The following ZC3H6 variants were observed in gnomAD, a reference collection of about 807,000 sequenced individuals.
ZC3H6 encodes the protein zinc finger CCCH domain-containing protein 6.
ZC3H6 carries 40 observed loss-of-function variants against 107.7 expected under a neutral mutation model. The observed-to-expected ratio is 0.37, with a 90% CI of 0.29 to 0.48. ZC3H6 has a LOEUF of 0.48. Among genes scored for constraint, ZC3H6 ranks in the 20% least tolerant of loss-of-function variants. ZC3H6 has a pLI of 0.98. For missense variants in ZC3H6, 1,267 were observed against 1,410.4 expected (o/e 0.90, Z 1.63); for synonymous variants, 493 against 487.9 (o/e 1.01, Z -0.14).
intron 3 of ZC3H6, among the ~76,000 whole-genome samples, chr2:112,308,629 ACCATGTTGG>A (rs1276777968): frequency 4.7e-5 from 7 of 150,088 alleles, no homozygotes; most frequent in Admixed American, 6.6e-5. Context: ...ACGGTGTTTC[ACCATGTTGG>A]CCAGGCTCTT....
intron 1 of ZC3H6, among the ~76,000 whole-genome samples, chr2:112,291,289 A>G (rs1434760478): frequency 6.6e-6 from 1 of 152,142 alleles, no homozygotes; most frequent in African/African-American, 2.4e-5. Flanking sequence ...GCTGGAGTGC[A>G]GTGGCACGAT....
intron 7 of ZC3H6, among the ~76,000 whole-genome samples, chr2:112,318,857 C>T (rs1676749153): frequency 6.6e-6 from 1 of 152,094 alleles, no homozygotes; most frequent in Non-Finnish European, 1.5e-5. Flanking sequence ...GCTGACAACA[C>T]CTGAAAGGAC....
intron 1 of ZC3H6, among the ~76,000 whole-genome samples, chr2:112,289,313 TTTCTTTTTC>T (rs1437947531): frequency 7.9e-5 from 11 of 139,772 alleles, no homozygotes; most frequent in African/African-American, 2.4e-4. Context: ...ACACTTTTTT[TTTCTTTTTC>T]TTTTTTTTTT....
chr2:112,329,519 T>C (rs77034119), intron 11 of ZC3H6, among the ~76,000 whole-genome samples: 2 of 152,204 alleles, frequency 1.3e-5, no homozygotes, highest in African/African-American at 4.8e-5. Flanking sequence ...TTTTCAGATA[T>C]TGAGATCTGA....
rs751491106 is a variant in ZC3H6, at chr2:112,299,845, A to G, written c.33-4A>G. 3 of 1,414,404 alleles carry G rather than the reference A, an allele frequency of 2.1e-6. No homozygotes were observed. Among genetic ancestry groups the G allele is most frequent in the South Asian group, 1.7e-5 (1 of 59,952 alleles). The allele number at this position is 1,414,404 out of a possible 1,614,324, so 87.6% of individuals were successfully genotyped here. ...ATTTGAAAATTAAAATTTTCCTTCTATAGAGAAGATGGCGAATTAGAAGAT... is the reference window on the plus strand; with the variant it reads ...ATTTGAAAATTAAAATTTTCCTTCTGTAGAGAAGATGGCGAATTAGAAGAT... On this transcript the variant is annotated splice_region_variant and splice_polypyrimidine_tract_variant and intron_variant, in intron 1 of 11. Transcript: ENST00000409871.
chr2:112,291,728 C>A (rs1415466364), intron 1 of ZC3H6, among the ~76,000 whole-genome samples: 1 of 151,600 alleles, frequency 6.6e-6, no homozygotes, highest in African/African-American at 2.4e-5. Flanking sequence ...GCACTAAGTT[C>A]CTTTTTTTGA....
At position 112,322,924 on chromosome 2, in the gene ZC3H6, T is replaced by C. The variant is rs200207540; in HGVS notation, c.1340+22T>C. Reference sequence around the variant, plus strand: ...GGAAGTAAGTGAAAAACTTTCAAAATGACATCAAATATTTTTTTCTGAAAA... The same window carrying C: ...GGAAGTAAGTGAAAAACTTTCAAAACGACATCAAATATTTTTTTCTGAAAA... On this transcript the variant is annotated intron_variant, in intron 9 of 11. Transcript: ENST00000409871. The C allele has an allele frequency of 3.0e-5, 47 of 1,558,098 alleles. No homozygotes were observed. In the East Asian group the frequency reaches 1.0e-3, roughly 34 times the overall value.
chr2:112,278,119 T>C (rs1373933634), intron 1 of ZC3H6, among the ~76,000 whole-genome samples: 3 of 152,176 alleles, frequency 2.0e-5, no homozygotes, highest in African/African-American at 7.2e-5. Flanking sequence ...TCAGAATCTC[T>C]AGGGTATTTT....
intron 4 of ZC3H6, among the ~76,000 whole-genome samples, chr2:112,311,403 A>G (rs989405851): frequency 6.6e-6 from 1 of 152,244 alleles, no homozygotes; most frequent in Admixed American, 6.5e-5. Flanking sequence ...ATATGTGTAT[A>G]TATCTACTCA....
chr2:112,328,691 A>G (rs1417884743), intron 11 of ZC3H6, among the ~76,000 whole-genome samples: 1 of 152,222 alleles, frequency 6.6e-6, no homozygotes, highest in East Asian at 1.9e-4. Flanking sequence ...CTGTAATCCC[A>G]GCACTTTGGG....
At chr2:112,325,816 A>G (rs1247229865) in intron 11 of ZC3H6, among the ~76,000 whole-genome samples, 2 of 152,046 alleles carry the variant, frequency 1.3e-5, no homozygotes, top group East Asian at 3.8e-4. Flanking sequence ...AATAAGAAAT[A>G]TTTTTAAATA....
At chr2:112,313,659 C>T (rs539236839) in intron 5 of ZC3H6, among the ~76,000 whole-genome samples, 14 of 152,234 alleles carry the variant, frequency 9.2e-5, no homozygotes, top group African/African-American at 2.9e-4. Flanking sequence ...TTGGCTATCA[C>T]GAGAGACATT....
At position 112,336,684 on chromosome 2, in the gene ZC3H6, T is replaced by C. The variant is rs1677140528; in HGVS notation, c.*4196T>C. On this transcript the variant is annotated 3_prime_UTR_variant, in exon 12 of 12. Transcript: ENST00000409871. ...TGGAGTTTTGTGTTTGAGTATGTCATTTATGTCATTTATCAGCAGTATCTG... is the reference window on the plus strand; with the variant it reads ...TGGAGTTTTGTGTTTGAGTATGTCACTTATGTCATTTATCAGCAGTATCTG... 2.6e-5 allele frequency: 4 copies of C among 152,144 alleles called. No homozygotes were observed. Among genetic ancestry groups the C allele is most frequent in the African/African-American group, 9.7e-5 (4 of 41,434 alleles). The allele number at this position is 152,144 out of a possible 1,614,324, so 9.4% of individuals were successfully genotyped here. A position where few individuals can be genotyped will look rare whatever the true frequency, so the allele number is the denominator to read the frequency against.
chr2:112,311,731 G>A, intron 4 of ZC3H6, 73 bp from the exon 5 acceptor site: 1 of 1,371,846 alleles, frequency 7.3e-7, no homozygotes, highest in Non-Finnish European at 1.0e-6. Context: ...AAAATGTGCT[G>A]TTCCTTATAA....
At chr2:112,318,008 G>A (rs1676734094) in intron 7 of ZC3H6, among the ~76,000 whole-genome samples, 1 of 152,080 alleles carries the variant, frequency 6.6e-6, no homozygotes, top group African/African-American at 2.4e-5. Context: ...TGGCTCCATG[G>A]ATTTGTTCAC....
At chr2:112,278,376 G>A (rs1443748168) in intron 1 of ZC3H6, among the ~76,000 whole-genome samples, 2 of 152,142 alleles carry the variant, frequency 1.3e-5, no homozygotes, top group Non-Finnish European at 2.9e-5. Context: ...GGAGTGCAGT[G>A]GCACTGTCTC....
intron 7 of ZC3H6, among the ~76,000 whole-genome samples, chr2:112,321,235 TA>T (rs1676794740): frequency 6.6e-6 from 1 of 151,990 alleles, no homozygotes; most frequent in African/African-American, 2.4e-5. Flanking sequence ...TAACATGACA[TA>T]TTAAGCCTCT....
intron 1 of ZC3H6, among the ~76,000 whole-genome samples, chr2:112,297,549 T>A (rs1676262842): frequency 6.6e-6 from 1 of 152,228 alleles, no homozygotes; most frequent in Non-Finnish European, 1.5e-5. Flanking sequence ...TATCGGTTGG[T>A]TTATTTGCAT....
chr2:112,321,679 T>C lies in ZC3H6; in HGVS notation c.977-77T>C, dbSNP rs543730314. ...ATCTCTAGAACTTAACTATCTTGTC[T>C]AACAGTTGTAGGTTTTGGTTTAAAA... On this transcript the variant is annotated intron_variant, in intron 7 of 11. Transcript: ENST00000409871. 5 of 693,230 alleles carry C rather than the reference T, an allele frequency of 7.2e-6. No homozygotes were observed. The East Asian group carries it at 1.5e-4, about 20-fold the overall frequency. The allele number at this position is 693,230 out of a possible 1,614,324, so 42.9% of individuals were successfully genotyped here.
Sources: gnomAD v4.1 joint callset for allele counts (sites outside exome capture counted in the v4.1 genomes callset) on GRCh38, gnomAD v4.1.1 for gene constraint, MANE v1.5 for transcripts, NCBI Gene and HGNC (gene_info 2026-07-23, HGNC 2026-07-21) for gene names.